The following ARHGEF6 variants were observed in gnomAD, a reference collection of about 807,000 sequenced individuals.
ARHGEF6 encodes Rac/Cdc42 guanine nucleotide exchange factor 6.
ARHGEF6 carries 9 observed loss-of-function variants against 70.3 expected under a neutral mutation model. That is an observed-to-expected ratio of 0.13 (90% CI 0.08 to 0.22). The LOEUF (loss-of-function observed/expected upper bound fraction) is 0.22. Ranked by LOEUF, ARHGEF6 falls within the 10% of genes least tolerant of loss-of-function variation. ARHGEF6 has a pLI of 1.00. For synonymous variants in ARHGEF6, 201 were observed against 207.8 expected, an observed-to-expected ratio of 0.97 and a Z score of 0.28; for missense variants, 470 against 563.0, an observed-to-expected ratio of 0.83 and a Z score of 1.67.
At chrX:136,755,223 T>C (rs999451975) in intron 2 of ARHGEF6, among the ~76,000 whole-genome samples, 1 of 112,304 alleles carries the variant, frequency 8.9e-6, no homozygotes, top group Non-Finnish European at 1.9e-5. Flanking sequence ...TGGCCAGACA[T>C]GTGTTCCCAA....
At chrX:136,697,079 C>G (rs1035835801) in intron 9 of ARHGEF6, among the ~76,000 whole-genome samples, 4 of 111,163 alleles carry the variant, frequency 3.6e-5, no homozygotes, top group Non-Finnish European at 7.5e-5. Context: ...AAAAGGCAAG[C>G]TGGAAGAGGC....
chrX:136,708,747 G>C lies in ARHGEF6; in HGVS notation c.851C>G (p.Ser284Cys). Residue 284 changes from serine (S) to cysteine (C), a missense_variant, in exon 8 of 22, where the codon TCT becomes TGT. By Grantham distance (112) the Ser-to-Cys change is moderately radical. This residue lies in a region of ARHGEF6 where 379 missense variants were observed against 449.3 expected (regional missense o/e 0.84). Transcript: ENST00000250617. ...NNNLSTVEVT[S>C]LLGNFEEVCT... is the part of the protein sequence containing the mutation. ...TACTTCCTCGAAGTTTCCCAGTAAA[G>C]ATGTAACCTCCACAGTACTCAGACT... The C allele has an allele frequency of 8.3e-7, 1 of 1,199,138 alleles. No individual in the cohort carries two copies. Among genetic ancestry groups the C allele is most frequent in the Non-Finnish European group, 1.1e-6 (1 of 885,334 alleles).
chrX:136,670,625 C>T (rs749305079), intron 20 of ARHGEF6, among the ~76,000 whole-genome samples: 8 of 110,973 alleles, frequency 7.2e-5, no homozygotes, highest in African/African-American at 9.8e-5. Flanking sequence ...TTTAGGAGTT[C>T]GACGTTTTCA....
Position 136,722,363 on chromosome X carries a change from TTATC to T in ARHGEF6, c.733-8997_733-8994del, listed in dbSNP as rs1309166569. The stretch of plus-strand genomic sequence containing the variant: ...AAAAACTTTTGTGTGTTAAATGACA[TTATC>T]AAGAAAGTGAAAAGACAACTCATAG... On this transcript the variant is annotated intron_variant, in intron 6 of 21. Coordinates refer to ENST00000250617, the MANE Select transcript of ARHGEF6 (RefSeq NM_004840.3). 5.4e-5 allele frequency among the ~76,000 whole-genome samples: 6 copies of T among 112,034 alleles called. No homozygotes were observed. In the East Asian group the frequency reaches 1.7e-3, roughly 31 times the overall value.
At chrX:136,714,621 A>G (rs1001932251) in intron 6 of ARHGEF6, among the ~76,000 whole-genome samples, 2 of 111,670 alleles carry the variant, frequency 1.8e-5, no homozygotes, top group African/African-American at 6.5e-5. Context: ...GTATTAGCCT[A>G]CCAATATGCC....
At chrX:136,745,800 A>G (rs962491359) in intron 3 of ARHGEF6, among the ~76,000 whole-genome samples, 1 of 112,158 alleles carries the variant, frequency 8.9e-6, no homozygotes, top group African/African-American at 3.2e-5. Flanking sequence ...TATATGATGT[A>G]AAATCTCCCT....
intron 2 of ARHGEF6, among the ~76,000 whole-genome samples, chrX:136,767,936 T>C (rs949306128): frequency 2.7e-5 from 3 of 112,737 alleles, no homozygotes; most frequent in African/African-American, 9.7e-5. Flanking sequence ...CGCATGCTGC[T>C]GCCGCCCGCT....
At chrX:136,727,730 C>T (rs1358113683) in intron 6 of ARHGEF6, among the ~76,000 whole-genome samples, 2 of 110,774 alleles carry the variant, frequency 1.8e-5, no homozygotes, top group Admixed American at 1.9e-4. Flanking sequence ...GACGGGGTAT[C>T]GCCATGTTGG....
At chrX:136,710,330 CATATAT>C (rs59532724) in intron 7 of ARHGEF6, among the ~76,000 whole-genome samples, 16 of 87,564 alleles carry the variant, frequency 1.8e-4, no homozygotes, top group East Asian at 1.6e-3. Flanking sequence ...ATATATTATA[CATATAT>C]ATATATATAT....
intron 9 of ARHGEF6, among the ~76,000 whole-genome samples, chrX:136,701,715 T>C (rs1419649129): frequency 4.3e-5 from 4 of 92,578 alleles, no homozygotes; most frequent in African/African-American, 1.6e-4. Context: ...TTTTTTTTTT[T>C]TTTTTTTTTT....
intron 9 of ARHGEF6, among the ~76,000 whole-genome samples, chrX:136,691,424 T>C (rs747528997): frequency 3.2e-4 from 36 of 112,332 alleles, no homozygotes; most frequent in Non-Finnish European, 5.3e-4. Context: ...AATGTCTAAT[T>C]CTAAGCCAGT....
intron 11 of ARHGEF6, among the ~76,000 whole-genome samples, chrX:136,686,625 CATAT>C (rs796276387): frequency 1.9e-3 from 105 of 54,972 alleles, no homozygotes; most frequent in African/African-American, 4.4e-3. Flanking sequence ...TATATATACA[CATAT>C]ATATATATAT....
intron 2 of ARHGEF6, among the ~76,000 whole-genome samples, chrX:136,752,594 T>G (rs2077163863): frequency 8.9e-6 from 1 of 112,046 alleles, no homozygotes; most frequent in East Asian, 2.8e-4. Flanking sequence ...GGTTCAGAAC[T>G]GGTCATCTTT....
chrX:136,720,289 A>G (rs1450345234), intron 6 of ARHGEF6, among the ~76,000 whole-genome samples: 2 of 112,024 alleles, frequency 1.8e-5, no homozygotes, highest in African/African-American at 6.5e-5. Flanking sequence ...GCTACAACAC[A>G]GCCAAGTGTG....
intron 3 of ARHGEF6, among the ~76,000 whole-genome samples, chrX:136,746,957 T>C (rs1437532175): frequency 9.0e-6 from 1 of 111,504 alleles, no homozygotes; most frequent in Non-Finnish European, 1.9e-5. Flanking sequence ...ACATTCTAAG[T>C]GTATCATCAT....
At chrX:136,776,946 C>T (rs868313570) in intron 2 of ARHGEF6, among the ~76,000 whole-genome samples, 2 of 110,627 alleles carry the variant, frequency 1.8e-5, no homozygotes, top group Admixed American at 9.6e-5. Context: ...ACAAATAGGC[C>T]GGGTGCGGTG....
At chrX:136,778,033 C>G (rs1343421638) in intron 2 of ARHGEF6, among the ~76,000 whole-genome samples, 9 of 111,392 alleles carry the variant, frequency 8.1e-5, no homozygotes, top group Non-Finnish European at 1.5e-4. Flanking sequence ...ACATTGGGTA[C>G]AGTGTACACT....
At chrX:136,727,813 C>A (rs1033341311) in intron 6 of ARHGEF6, among the ~76,000 whole-genome samples, 3 of 111,410 alleles carry the variant, frequency 2.7e-5, no homozygotes, top group Non-Finnish European at 5.7e-5. Context: ...GGATTACAGG[C>A]GTGAGCCACC....
At chrX:136,712,504 G>C (rs1482973437) in intron 7 of ARHGEF6, among the ~76,000 whole-genome samples, 2 of 112,389 alleles carry the variant, frequency 1.8e-5, no homozygotes, top group Non-Finnish European at 3.8e-5. Flanking sequence ...AAGGTAAAAA[G>C]AGAGGGGTTT....
Sources: gnomAD v4.1 joint callset for allele counts (sites outside exome capture counted in the v4.1 genomes callset) on GRCh38, gnomAD v4.1.1 for gene constraint, gnomAD v4.1.1 regional missense constraint, MANE v1.5 for transcripts, NCBI Gene and HGNC (gene_info 2026-07-23, HGNC 2026-07-21) for gene names.